The following ERCC6 variants were observed in gnomAD, a reference collection of about 807,000 sequenced individuals.
ERCC6 encodes DNA excision repair protein ERCC-6.
In ERCC6, 116 loss-of-function variants were observed where a neutral mutation model predicts 158.7. The observed-to-expected ratio is 0.73, with a 90% CI of 0.63 to 0.85. The LOEUF (loss-of-function observed/expected upper bound fraction) is 0.85. Among genes scored for constraint, ERCC6 ranks in the 40% least tolerant of loss-of-function variants. The pLI is 0.00. For synonymous variants in ERCC6, 678 were observed against 659.3 expected, an observed-to-expected ratio of 1.03 and a Z score of -0.43; for missense variants, 1,698 against 1,799.4, an observed-to-expected ratio of 0.94 and a Z score of 1.02.
At position 49,457,062 on chromosome 10, in the gene ERCC6, A is replaced by C. The variant is rs946330173; in HGVS notation, c.*1753T>G. On this transcript the variant is annotated 3_prime_UTR_variant, in exon 21 of 21. Transcript: ENST00000355832. ...AAGTATGATACCCAAATGCTTCATG[A>C]GTGAACAAGGTCAGCAGATCACCCT... 1 of 152,246 alleles carries C rather than the reference A, an allele frequency of 6.6e-6. No individual in the cohort carries two copies. The highest frequency in any genetic ancestry group is 2.4e-5 in the African/African-American group (1 of 41,478). 9.4% of individuals were successfully genotyped at this position (152,246 alleles called of 1,614,324 possible).
chr10:49,491,548 AAT>A (rs1851173188), intron 8 of ERCC6, among the ~76,000 whole-genome samples: 1 of 152,216 alleles, frequency 6.6e-6, no homozygotes, highest in South Asian at 2.1e-4. Flanking sequence ...CCAAAAGTGA[AAT>A]ATCTCTTCTT....
chr10:49,471,775 A>T (rs145281709), intron 16 of ERCC6, among the ~76,000 whole-genome samples: 2 of 152,226 alleles, frequency 1.3e-5, no homozygotes, highest in African/African-American at 4.8e-5. Context: ...AGCATGTGGT[A>T]AAGGGCACAG....
chr10:49,538,349 T>G (rs1016945294), intron 1 of ERCC6, among the ~76,000 whole-genome samples: 7 of 152,244 alleles, frequency 4.6e-5, no homozygotes, highest in Non-Finnish European at 1.0e-4. Flanking sequence ...CTGAAAACTG[T>G]TAAGTAGGCT....
the ERCC6 span, among the ~76,000 whole-genome samples, chr10:49,436,410 T>A: frequency 6.6e-6 from 1 of 151,768 alleles, no homozygotes; most frequent in Admixed American, 6.6e-5. Flanking sequence ...CATTAGAAAC[T>A]TGGAGATAAT....
the ERCC6 span, among the ~76,000 whole-genome samples, chr10:49,447,470 A>AAGGTC: frequency 6.6e-6 from 1 of 152,050 alleles, no homozygotes; most frequent in Non-Finnish European, 1.5e-5. Context: ...GGCAGATCAC[A>AAGGTC]AGGTCAGGAG....
intron 4 of ERCC6, chr10:49,525,217 C>G (rs1837285314): frequency 5.2e-6 from 1 of 192,834 alleles, no homozygotes; most frequent in African/African-American, 2.4e-5. Flanking sequence ...AAACAGGGAT[C>G]ACCATGTACC....
At chr10:49,486,130 C>T (rs1483571296) in intron 8 of ERCC6, among the ~76,000 whole-genome samples, 2 of 152,148 alleles carry the variant, frequency 1.3e-5, no homozygotes, top group Non-Finnish European at 2.9e-5. Context: ...CCTACCAAAA[C>T]GCACAGCAAT....
chr10:49,491,843 G>A (rs1219237859), intron 8 of ERCC6, among the ~76,000 whole-genome samples: 1 of 152,120 alleles, frequency 6.6e-6, no homozygotes, highest in Non-Finnish European at 1.5e-5. Context: ...AACACTAAGA[G>A]ATGTTAACAG....
chr10:49,487,768 A>G lies in ERCC6; in HGVS notation c.1822-4252T>C, dbSNP rs4253153. Among the ~76,000 whole-genome samples, 355 of 152,324 alleles carry G rather than the reference A, an allele frequency of 2.3e-3. 1 individual carries two copies. Among genetic ancestry groups the G allele is most frequent in the African/African-American group, 8.0e-3 (334 of 41,570 alleles). On this transcript the variant is annotated intron_variant, in intron 8 of 20. Transcript: ENST00000355832. ...GAAATTTATCTGGAAAATTCTAAAT[A>G]TTATTATAGGTATAGAAATGTTAGC...
chr10:49,448,362 C>T, the ERCC6 span, among the ~76,000 whole-genome samples: 2 of 152,130 alleles, frequency 1.3e-5, no homozygotes, highest in African/African-American at 2.4e-5. Context: ...TATTCAGATT[C>T]TTCAAGCATT....
intron 6 of ERCC6, chr10:49,505,598 T>C (rs1370682908): frequency 3.5e-6 from 1 of 282,210 alleles, no homozygotes; most frequent in African/African-American, 2.2e-5. Context: ...AAAAAAATTA[T>C]TCAACATAAA....
intron 6 of ERCC6, chr10:49,502,725 G>A (rs1851376199): frequency 6.6e-6 from 1 of 152,158 alleles, no homozygotes; most frequent in South Asian, 2.1e-4. Flanking sequence ...ATTTGGCAAT[G>A]TCTAAAGACA....
At chr10:49,516,287 A>T in intron 5 of ERCC6, 4 of 1,614,188 alleles carry the variant, frequency 2.5e-6, no homozygotes, top group South Asian at 1.1e-5. Context: ...GACGACCAAA[A>T]TAAGGAACCA....
chr10:49,472,764 C>G (rs1850803752), intron 15 of ERCC6, 145 bp downstream of exon 15: 1 of 998,510 alleles, frequency 1.0e-6, no homozygotes. Flanking sequence ...TGAAGGGTGT[C>G]TTCTTTCACG....
chr10:49,529,661 C>T (rs1478564974), intron 3 of ERCC6, among the ~76,000 whole-genome samples: 1 of 152,036 alleles, frequency 6.6e-6, no homozygotes, highest in Admixed American at 6.6e-5. Flanking sequence ...AAAGGAGGGC[C>T]ACGTGAACTG....
intron 14 of ERCC6, 117 bp from the exon 15 acceptor site, chr10:49,473,145 G>C: frequency 2.2e-6 from 3 of 1,385,280 alleles, no homozygotes; most frequent in Admixed American, 1.8e-5. Context: ...TATAAGGAAT[G>C]GTAATGTCCT....
chr10:49,532,097 A>G (rs1012553), intron 2 of ERCC6, among the ~76,000 whole-genome samples: 96,347 of 152,112 alleles, frequency 0.63, 32,472 homozygotes, highest in South Asian at 0.81. Context: ...ATTATTTCTA[A>G]AAATGCAAAT....
intron 5 of ERCC6, among the ~76,000 whole-genome samples, chr10:49,509,613 T>C (rs1034045963): frequency 1.3e-5 from 2 of 152,208 alleles, no homozygotes; most frequent in African/African-American, 4.8e-5. Flanking sequence ...GGCAGTCTTT[T>C]ACATGATAGT....
At chr10:49,505,851 G>C in intron 6 of ERCC6, 33 bp downstream of exon 6, 1 of 1,611,672 alleles carries the variant, frequency 6.2e-7, no homozygotes, top group East Asian at 2.2e-5. Context: ...TGGCTTGATA[G>C]CAAATAGAAA....
Sources: allele counts gnomAD v4.1 joint callset (sites outside exome capture counted in the v4.1 genomes callset), GRCh38; gene constraint gnomAD v4.1.1; transcripts MANE v1.5; gene names NCBI Gene and HGNC (gene_info 2026-07-23, HGNC 2026-07-21).